The following MYLK variants were observed in gnomAD, a reference collection of about 807,000 sequenced individuals.
MYLK encodes myosin light chain kinase, smooth muscle.
A neutral mutation model predicts 203.4 loss-of-function variants in MYLK; 106 were observed. That is an observed-to-expected ratio of 0.52 (90% CI 0.45 to 0.61). The LOEUF (loss-of-function observed/expected upper bound fraction) is 0.61. Among genes scored for constraint, MYLK ranks in the 20% least tolerant of loss-of-function variants. The pLI, the probability that MYLK is intolerant of heterozygous loss-of-function variation, is 0.00. For synonymous variants in MYLK, 867 were observed against 959.5 expected (o/e 0.90, Z 1.78); for missense variants, 2,072 against 2,442.3 (o/e 0.85, Z 3.20).
intron 31 of MYLK, chr3:123,622,846 C>T (rs576359765): frequency 6.6e-6 from 1 of 152,318 alleles, no homozygotes; most frequent in South Asian, 2.1e-4. Context: ...CTTTACTGAC[C>T]AAAGACCTTT....
intron 2 of MYLK, among the ~76,000 whole-genome samples, chr3:123,837,289 C>G (rs2066495885): frequency 6.6e-6 from 1 of 152,000 alleles, no homozygotes; most frequent in Admixed American, 6.6e-5. Context: ...CCTTGGCCTC[C>G]CAAAGTGCTG....
intron 3 of MYLK, among the ~76,000 whole-genome samples, chr3:123,829,910 A>G (rs2066265242): frequency 6.6e-6 from 1 of 152,206 alleles, no homozygotes; most frequent in African/African-American, 2.4e-5. Context: ...GGCCCCAATG[A>G]TGCAAAGAAA....
intron 16 of MYLK, among the ~76,000 whole-genome samples, chr3:123,705,155 CCCAGCCAT>C (rs149607169): frequency 0.041 from 6,243 of 151,972 alleles, 436 homozygotes; most frequent in African/African-American, 0.14. Context: ...CCGGCTTCCT[CCCAGCCAT>C]CCAGTCATTC....
chr3:123,639,439 G>T (rs1434801340), intron 28 of MYLK, among the ~76,000 whole-genome samples: 3 of 152,162 alleles, frequency 2.0e-5, no homozygotes, highest in African/African-American at 4.8e-5. Flanking sequence ...CTACCTGCAG[G>T]GTGGTGAAAT....
At chr3:123,741,107 T>C (rs984274590) in intron 5 of MYLK, among the ~76,000 whole-genome samples, 32 of 152,198 alleles carry the variant, frequency 2.1e-4, no homozygotes, top group African/African-American at 6.8e-4. Context: ...GGTAGAGTCA[T>C]CCTCTGATAT....
chr3:123,709,470 C>T (rs141885197), intron 14 of MYLK: 7 of 411,452 alleles, frequency 1.7e-5, no homozygotes, highest in African/African-American at 4.1e-5. Flanking sequence ...GTCTTCAAAA[C>T]CTTCCAGCTA....
intron 3 of MYLK, among the ~76,000 whole-genome samples, chr3:123,824,089 T>G (rs2066030273): frequency 6.6e-6 from 1 of 151,160 alleles, no homozygotes; most frequent in Non-Finnish European, 1.5e-5. Context: ...TACTTTATTG[T>G]TTCTTTTTTT....
chr3:123,815,755 T>C (rs2065728083), intron 3 of MYLK, among the ~76,000 whole-genome samples: 1 of 152,244 alleles, frequency 6.6e-6, no homozygotes, highest in Non-Finnish European at 1.5e-5. Flanking sequence ...GTAAATAATT[T>C]AAAAGGCTGT....
intron 5 of MYLK, among the ~76,000 whole-genome samples, chr3:123,742,486 G>T (rs2062883520): frequency 6.6e-6 from 1 of 151,988 alleles, no homozygotes; most frequent in Non-Finnish European, 1.5e-5. Context: ...AAATACAATG[G>T]TAAAGAAGAA....
chr3:123,876,322 TTA>T (rs2033148890), intron 2 of MYLK, among the ~76,000 whole-genome samples: 1 of 152,162 alleles, frequency 6.6e-6, no homozygotes, highest in South Asian at 2.1e-4. Context: ...CTCTGATAGA[TTA>T]TATCAGTTAT....
At chr3:123,713,037 A>G (rs764862851) in intron 13 of MYLK, among the ~76,000 whole-genome samples, 45 of 152,228 alleles carry the variant, frequency 3.0e-4, no homozygotes, top group Non-Finnish European at 5.0e-4. Flanking sequence ...GCTTAAAAAT[A>G]TCATGGGATA....
At chr3:123,811,035 G>C (rs914515375) in intron 3 of MYLK, among the ~76,000 whole-genome samples, 5 of 152,122 alleles carry the variant, frequency 3.3e-5, no homozygotes, top group Non-Finnish European at 5.9e-5. Context: ...TTCTAGAATG[G>C]GGCTAACTGG....
At chr3:123,758,519 G>C (rs1171296965) in intron 4 of MYLK, among the ~76,000 whole-genome samples, 1 of 152,102 alleles carries the variant, frequency 6.6e-6, no homozygotes, top group East Asian at 1.9e-4. Flanking sequence ...CTTTCTCTGT[G>C]ATCAGCCACT....
chr3:123,736,687 G>A (rs2062684222), intron 8 of MYLK, among the ~76,000 whole-genome samples: 1 of 152,168 alleles, frequency 6.6e-6, no homozygotes, highest in African/African-American at 2.4e-5. Context: ...AGGATCGCCT[G>A]ACTTGAAAGA....
intron 23 of MYLK, among the ~76,000 whole-genome samples, chr3:123,662,162 G>A (rs1249171972): frequency 6.6e-6 from 1 of 152,210 alleles, no homozygotes; most frequent in East Asian, 1.9e-4. Context: ...CTCCCCTCAA[G>A]ATGAGTTTTG....
In MYLK at chr3:123,629,079, T is replaced by A. The variant is rs1038057987; in HGVS notation, c.5114+395A>T. Among the ~76,000 whole-genome samples the A allele has an allele frequency of 6.6e-6, 1 of 152,126 alleles. No homozygotes were observed. Among genetic ancestry groups the A allele is most frequent in the Non-Finnish European group, 1.5e-5 (1 of 68,012 alleles). ...TCTAAGATGCCCGTGTCCTCTGCTC[T>A]TGCTTGTTGAGAGGGTCCTTCCCCT... is the stretch of plus-strand genomic sequence containing the variant. On this transcript the variant is annotated intron_variant, in intron 30 of 33. Coordinates refer to ENST00000360304, the MANE Select transcript of MYLK (RefSeq NM_053025.4). This position sits in a 1 kb window ranked among gnomAD's most constrained non-coding sequence, Gnocchi z 4.4.
intron 3 of MYLK, among the ~76,000 whole-genome samples, chr3:123,817,544 T>C (rs2065790190): frequency 6.6e-6 from 1 of 152,178 alleles, no homozygotes; most frequent in African/African-American, 2.4e-5. Flanking sequence ...AGAGCAGCAC[T>C]GGCCCAACCA....
At chr3:123,656,634 T>A (rs942287023) in intron 24 of MYLK, among the ~76,000 whole-genome samples, 3 of 152,178 alleles carry the variant, frequency 2.0e-5, no homozygotes, top group African/African-American at 7.2e-5. Context: ...AAATGCTCCA[T>A]GCATTTTGTT....
In MYLK at chr3:123,657,133, T is replaced by C. The variant is rs772237691; in HGVS notation, c.4281A>G (p.Lys1427=). ...GAAGTGATGGCAGCCTACCTTCAGG[T>C]TTCTCTCCTACCGTTGTGAGTTCAG... ...QESELTTVGE[K]PEEPKDEVEV... The change falls in exon 24 of 34, where the codon AAA becomes AAG. Residue 1427 remains lysine, a synonymous_variant. Coordinates refer to ENST00000360304, the MANE Select transcript of MYLK (RefSeq NM_053025.4). 16 of 1,614,088 alleles carry C rather than the reference T, an allele frequency of 9.9e-6. 1 individual carries two copies. The South Asian group carries it at 1.6e-4, about 17-fold the overall frequency.
Sources: gnomAD v4.1 joint callset for allele counts (sites outside exome capture counted in the v4.1 genomes callset) on GRCh38, gnomAD v4.1.1 for gene constraint, Gnocchi (gnomAD v3.1) non-coding constraint, MANE v1.5 for transcripts, NCBI Gene and HGNC (gene_info 2026-07-23, HGNC 2026-07-21) for gene names.